Variants in PER2 observed in about 807,000 individuals in gnomAD.
PER2 encodes period circadian regulator 2, also known as period circadian protein homolog 2.
A neutral mutation model predicts 121.0 loss-of-function variants in PER2; 66 were observed. The observed-to-expected ratio is 0.55, with a 90% CI of 0.45 to 0.67. The LOEUF (loss-of-function observed/expected upper bound fraction) is 0.67, where lower values mean the gene tolerates loss of function less well. PER2 is among the 30% of genes least tolerant of loss of function. PER2 has a pLI of 0.00. For synonymous variants in PER2, 684 were observed against 659.9 expected (o/e 1.04, Z -0.56); for missense variants, 1,521 against 1,635.0 (o/e 0.93, Z 1.20).
chr2:238,269,998 T>C (rs1559331873), intron 6 of PER2, among the ~76,000 whole-genome samples: 1 of 152,248 alleles, frequency 6.6e-6, no homozygotes, highest in Non-Finnish European at 1.5e-5. Context: ...GCCCTGGGTC[T>C]GGGGGAATGG....
intron 13 of PER2, 46 bp downstream of exon 13, chr2:238,260,782 G>A: frequency 6.2e-7 from 1 of 1,610,288 alleles, no homozygotes; most frequent in Non-Finnish European, 8.5e-7. Context: ...ACTCTGGAGG[G>A]ACATCCACAA....
chr2:238,264,703 T>C lies in PER2; in HGVS notation c.1046+809A>G, dbSNP rs182834159. ...GCAGTGGTGCAATCATAGCTCACCG[T>C]AGCCTTGAACTCCTAGGCTCAGTGA... is the stretch of plus-strand genomic sequence containing the variant. On this transcript the variant is annotated intron_variant, in intron 9 of 22. Coordinates refer to ENST00000254657, the MANE Select transcript of PER2 (RefSeq NM_022817.3). Among the ~76,000 whole-genome samples, 14 of 152,278 alleles carry C rather than the reference T, an allele frequency of 9.2e-5. No individual in the cohort carries two copies. In the East Asian group the frequency reaches 2.5e-3, roughly 27 times the overall value.
intron 16 of PER2, 29 bp from the exon 17 acceptor site, chr2:238,257,115 T>C (rs1206801534): frequency 6.2e-7 from 1 of 1,603,338 alleles, no homozygotes; most frequent in Non-Finnish European, 8.5e-7. Flanking sequence ...GAACAAACAT[T>C]AGTGTGTCAT....
chr2:238,289,220 G>T (rs956122808), upstream of PER2: 9 of 152,196 alleles, frequency 5.9e-5, no homozygotes, highest in Admixed American at 4.6e-4. Flanking sequence ...CCGGCCAGAG[G>T]CGCGCCCCCA....
At chr2:238,248,955 T>C in intron 22 of PER2, 107 bp downstream of exon 22, 1 of 1,293,224 alleles carries the variant, frequency 7.7e-7, no homozygotes, top group Non-Finnish European at 1.1e-6. Flanking sequence ...GCGCCCGGCC[T>C]AATTTTAGAA....
At chr2:238,288,927 C>G (rs1696880853), upstream of PER2, among the ~76,000 whole-genome samples, 1 of 152,224 alleles carries the variant, frequency 6.6e-6, no homozygotes, top group South Asian at 2.1e-4. Flanking sequence ...GCCCGTCGCT[C>G]TTTTTACATA....
At chr2:238,288,635 G>C (rs1696868637), upstream of PER2, 1 of 150,286 alleles carries the variant, frequency 6.7e-6, no homozygotes, top group African/African-American at 2.4e-5. Context: ...GCCGCGCCGC[G>C]CCACTTACCG....
Position 238,253,210 on chromosome 2 carries a change from G to T in PER2, c.2813C>A (p.Thr938Lys), listed in dbSNP as rs778754124. ...QPQFPSHPTL[T>K]SEMASASQPE... is the part of the protein sequence containing the mutation. Reference sequence around the variant, plus strand: ...CTGTGAGGCAGAGGCCATCTCGGATGTGAGTGTGGGGTGGCTCGGAAACTG... The same window carrying T: ...CTGTGAGGCAGAGGCCATCTCGGATTTGAGTGTGGGGTGGCTCGGAAACTG... Residue 938 changes from threonine to lysine, a missense_variant, in exon 19 of 23, where the codon ACA becomes AAA. Physicochemically the swap from Thr to Lys is moderately conservative, Grantham distance 78. Transcript: ENST00000254657. The surrounding 1 kb of genome is among the most constrained non-coding windows in gnomAD (Gnocchi z 5.6). 2 of 1,596,676 alleles carry T rather than the reference G, an allele frequency of 1.3e-6. No individual in the cohort carries two copies. The highest frequency in any genetic ancestry group is 1.7e-6 in the Non-Finnish European group (2 of 1,169,092).
Position 238,262,260 on chromosome 2 carries a change from C to G in PER2, c.1238G>C (p.Ser413Thr). 1 of 1,614,028 alleles carries G rather than the reference C, an allele frequency of 6.2e-7. No individual in the cohort carries two copies. Among genetic ancestry groups the G allele is most frequent in the Non-Finnish European group, 8.5e-7 (1 of 1,179,944 alleles). The change falls in exon 11 of 23, where the codon AGC becomes ACC. Residue 413 changes from serine (S) to threonine (T), a missense_variant. Coordinates refer to ENST00000254657, the MANE Select transcript of PER2 (RefSeq NM_022817.3). ...RNGEYITLDT[S>T]WSSFINPWSR... ...CCATGGGTTGATGAAGCTGGACCAGCTGGTGTCCAACGTGATGTACTCTCC... is the reference window on the plus strand; with the variant it reads ...CCATGGGTTGATGAAGCTGGACCAGGTGGTGTCCAACGTGATGTACTCTCC...
chr2:238,271,480 C>A lies in PER2; in HGVS notation c.604G>T (p.Gly202Trp), dbSNP rs554958074. 2.4e-5 allele frequency: 38 copies of A among 1,613,984 alleles called. 1 individual carries two copies. In the South Asian group the frequency reaches 3.8e-4, roughly 16 times the overall value. Reference sequence around the variant, plus strand: ...TGGTCAGAGATGTACAGGATCTTCCCAGACACCAGGGACACGGCCACCGCA... The same window carrying A: ...TGGTCAGAGATGTACAGGATCTTCCAAGACACCAGGGACACGGCCACCGCA... Reference protein sequence around the residue: ...MFAVAVSLVSGKILYISDQVA... With the variant: ...MFAVAVSLVSWKILYISDQVA... The change falls in exon 6 of 23, where the codon GGG (glycine) becomes TGG (tryptophan). Residue 202 changes from glycine to tryptophan, a missense_variant. Physicochemically the swap from Gly to Trp is radical, Grantham distance 184 (BLOSUM62 -2). Coordinates refer to ENST00000254657, the MANE Select transcript of PER2 (RefSeq NM_022817.3).
At chr2:238,285,314 A>G (rs2106332644) in intron 1 of PER2, among the ~76,000 whole-genome samples, 1 of 151,096 alleles carries the variant, frequency 6.6e-6, no homozygotes, top group Middle Eastern at 3.4e-3. Context: ...AAGAACAGAG[A>G]GCCTGGGATC....
chr2:238,279,587 T>C (rs186837665), intron 1 of PER2, among the ~76,000 whole-genome samples: 20 of 152,324 alleles, frequency 1.3e-4, no homozygotes, highest in Admixed American at 1.3e-3. Flanking sequence ...TGGCATCCGT[T>C]TGGCCCTTCC....
intron 8 of PER2, 118 bp downstream of exon 8, chr2:238,267,938 G>A: frequency 8.6e-7 from 1 of 1,166,126 alleles, no homozygotes; most frequent in Non-Finnish European, 1.2e-6. Context: ...AGGTGGAGAG[G>A]CCAAGGCTGG....
chr2:238,288,977 C>A (rs1696883248), upstream of PER2: 2 of 152,246 alleles, frequency 1.3e-5, no homozygotes, highest in Non-Finnish European at 2.9e-5. Flanking sequence ...GTCGGTTCCT[C>A]AATGGAGACG....
At chr2:238,262,118 T>C (rs950564482) in intron 11 of PER2, 73 bp downstream of exon 11, 17 of 1,398,948 alleles carry the variant, frequency 1.2e-5, no homozygotes, top group Non-Finnish European at 1.7e-5. Flanking sequence ...TGCCATCTGT[T>C]GCTGGGAGGT....
intron 9 of PER2, among the ~76,000 whole-genome samples, chr2:238,264,390 TGACG>T (rs1696033397): frequency 6.6e-6 from 1 of 152,216 alleles, no homozygotes; most frequent in South Asian, 2.1e-4. Flanking sequence ...GAGCTGGAAG[TGACG>T]GATCCCTTTT....
intron 22 of PER2, among the ~76,000 whole-genome samples, chr2:238,248,712 G>C (rs566243934): frequency 1.3e-5 from 2 of 149,244 alleles, no homozygotes; most frequent in South Asian, 4.2e-4. Context: ...CTGGAGTGCA[G>C]TGGTGCCATC....
At chr2:238,299,533 C>G in the PER2 span, 1 of 152,022 alleles carries the variant, frequency 6.6e-6, no homozygotes, top group African/African-American at 2.4e-5. Context: ...CAAAGTGAGA[C>G]TCCGTCTCAA....
At chr2:238,263,443 C>T (rs1307353581) in intron 9 of PER2, among the ~76,000 whole-genome samples, 1 of 152,034 alleles carries the variant, frequency 6.6e-6, no homozygotes, top group African/African-American at 2.4e-5. Context: ...GCCTGGGCCT[C>T]GGAAAACCCT....
Sources: allele counts gnomAD v4.1 joint callset (sites outside exome capture counted in the v4.1 genomes callset), GRCh38; gene constraint gnomAD v4.1.1; non-coding constraint Gnocchi (gnomAD v3.1); transcripts MANE v1.5; gene names NCBI Gene and HGNC (gene_info 2026-07-23, HGNC 2026-07-21).